Variants in NTRK2 observed in about 807,000 individuals in gnomAD.
NTRK2 encodes the protein neurotrophic receptor tyrosine kinase 2.
Under a neutral mutation model 94.5 loss-of-function variants are expected in NTRK2, and 13 were observed. The observed-to-expected ratio is 0.14, with a 90% CI of 0.09 to 0.22. The LOEUF (loss-of-function observed/expected upper bound fraction) is 0.22. Ranked by LOEUF, NTRK2 falls within the 10% of genes least tolerant of loss-of-function variation. NTRK2 has a pLI of 1.00. For synonymous variants in NTRK2, 372 were observed against 407.4 expected (o/e 0.91, Z 1.05); for missense variants, 639 against 1,071.2 (o/e 0.60, Z 5.63).
chr9:85,024,953 A>G lies in NTRK2; in HGVS notation c.*3516A>G. The G allele has an allele frequency of 4.3e-6, 1 of 233,122 alleles. No individual in the cohort carries two copies. Among genetic ancestry groups the G allele is most frequent in the East Asian group, 6.1e-5 (1 of 16,508 alleles). The allele number at this position is 233,122 out of a possible 1,614,324, so 14.4% of individuals were successfully genotyped here. A position where few individuals can be genotyped will look rare whatever the true frequency, so the allele number is the denominator to read the frequency against. Reference sequence around the variant, plus strand: ...GATTTATACATATACAAATGCACATACGTAGTGTGTTTGTGTGTTTATGTA... The same window carrying G: ...GATTTATACATATACAAATGCACATGCGTAGTGTGTTTGTGTGTTTATGTA... On this transcript the variant is annotated 3_prime_UTR_variant, in exon 19 of 19. Coordinates refer to ENST00000277120, the MANE Select transcript of NTRK2 (RefSeq NM_006180.6).
intron 12 of NTRK2, among the ~76,000 whole-genome samples, chr9:84,772,012 G>C (rs769234288): frequency 6.6e-6 from 1 of 152,120 alleles, no homozygotes; most frequent in Non-Finnish European, 1.5e-5. Flanking sequence ...TTTACTCCAA[G>C]CTTTCCTATG....
At chr9:84,892,534 C>T (rs2076624293) in intron 14 of NTRK2, among the ~76,000 whole-genome samples, 1 of 152,240 alleles carries the variant, frequency 6.6e-6, no homozygotes, top group African/African-American at 2.4e-5. Context: ...TAAGATTTCC[C>T]TGTCAGTGCA....
chr9:84,751,128 G>T (rs2064561687), intron 11 of NTRK2, among the ~76,000 whole-genome samples: 3 of 152,134 alleles, frequency 2.0e-5, no homozygotes, highest in African/African-American at 7.2e-5. Context: ...GTGCCCTCCT[G>T]CTCCCTTCCA....
At chr9:84,910,151 G>A (rs998784836) in intron 14 of NTRK2, among the ~76,000 whole-genome samples, 1 of 151,970 alleles carries the variant, frequency 6.6e-6, no homozygotes, top group Admixed American at 6.6e-5. Flanking sequence ...TTTGCCTATG[G>A]ATGTCCAATT....
intron 14 of NTRK2, among the ~76,000 whole-genome samples, chr9:84,882,720 G>GCA (rs58637788): frequency 8.1e-6 from 1 of 123,750 alleles, no homozygotes; most frequent in African/African-American, 3.6e-5. Flanking sequence ...GTGTGTGTGT[G>GCA]CGCGCGCGCG....
chr9:84,793,968 A>C (rs183868477), intron 12 of NTRK2, among the ~76,000 whole-genome samples: 1 of 152,356 alleles, frequency 6.6e-6, no homozygotes, highest in Admixed American at 6.5e-5. Flanking sequence ...GGCCCTTTGC[A>C]GAAAAAACTG....
intron 17 of NTRK2, among the ~76,000 whole-genome samples, chr9:84,969,017 A>G (rs753699941): frequency 6.6e-5 from 10 of 152,124 alleles, no homozygotes; most frequent in Non-Finnish European, 1.5e-4. Flanking sequence ...CGTTTTCTTC[A>G]TGTCTCCTGA....
intron 12 of NTRK2, among the ~76,000 whole-genome samples, chr9:84,844,930 G>A (rs928180594): frequency 8.6e-5 from 13 of 151,840 alleles, no homozygotes; most frequent in African/African-American, 3.2e-4. Context: ...CTCAAGAATG[G>A]CCATAATTTA....
chr9:84,769,391 A>AG, intron 12 of NTRK2, among the ~76,000 whole-genome samples: 1 of 152,318 alleles, frequency 6.6e-6, no homozygotes, highest in South Asian at 2.1e-4. Flanking sequence ...CTGAATGATC[A>AG]CCTGAAGTTA....
At chr9:84,821,393 A>G (rs1385015668) in intron 12 of NTRK2, among the ~76,000 whole-genome samples, 1 of 152,116 alleles carries the variant, frequency 6.6e-6, no homozygotes, top group Non-Finnish European at 1.5e-5. Flanking sequence ...ATTTGATCAA[A>G]TGGGAATGTA....
At chr9:84,944,215 TCACACACACACACACACA>T (rs56021326) in intron 15 of NTRK2, among the ~76,000 whole-genome samples, 1 of 120,316 alleles carries the variant, frequency 8.3e-6, no homozygotes, top group African/African-American at 3.4e-5. Context: ...TCTCTCTCTC[TCACACACACACACACACA>T]CACACACACA....
At chr9:84,765,692 T>C (rs570377836) in intron 12 of NTRK2, among the ~76,000 whole-genome samples, 16 of 152,288 alleles carry the variant, frequency 1.1e-4, no homozygotes, top group Admixed American at 1.0e-3. Flanking sequence ...TGACTAGTAT[T>C]GTCTTGCCCC....
At chr9:84,872,406 C>G in intron 14 of NTRK2, 1 of 1,081,134 alleles carries the variant, frequency 9.2e-7, no homozygotes, top group Non-Finnish European at 1.1e-6. Flanking sequence ...GGAGCAAACA[C>G]TATAGATGTC....
chr9:84,726,266 C>T (rs1047750727), intron 8 of NTRK2, among the ~76,000 whole-genome samples: 2 of 152,166 alleles, frequency 1.3e-5, no homozygotes, highest in African/African-American at 4.8e-5. Context: ...GCGGGTGGAT[C>T]ACTTGAGATC....
chr9:84,900,276 G>A (rs2076887517), intron 14 of NTRK2, among the ~76,000 whole-genome samples: 2 of 152,146 alleles, frequency 1.3e-5, no homozygotes, highest in Admixed American at 1.3e-4. Context: ...AGAGTGACTA[G>A]TTCAAGGTCT....
At chr9:84,834,559 A>G (rs2073759176) in intron 12 of NTRK2, among the ~76,000 whole-genome samples, 2 of 152,224 alleles carry the variant, frequency 1.3e-5, no homozygotes, top group South Asian at 4.2e-4. Flanking sequence ...AGGAACCCCT[A>G]GAAGCATTGT....
chr9:85,021,521 C>A lies in NTRK2; in HGVS notation c.*84C>A. The A allele has an allele frequency of 7.5e-7, 1 of 1,336,826 alleles. No homozygotes were observed. Among genetic ancestry groups the A allele is most frequent in the African/African-American group, 1.4e-5 (1 of 69,478 alleles). 82.8% of individuals were successfully genotyped at this position (1,336,826 alleles called of 1,614,324 possible). A position where few individuals can be genotyped will look rare whatever the true frequency, so the allele number is the denominator to read the frequency against. On this transcript the variant is annotated 3_prime_UTR_variant, in exon 19 of 19. Coordinates refer to ENST00000277120, the MANE Select transcript of NTRK2 (RefSeq NM_006180.6). ...AACATCTTTTAACTGCCGCTGGAGG[C>A]CACCAAGCTGCTCTCCTTCACTCTG...
intron 17 of NTRK2, among the ~76,000 whole-genome samples, chr9:84,996,250 G>A (rs1829735101): frequency 6.6e-6 from 1 of 152,218 alleles, no homozygotes; most frequent in Non-Finnish European, 1.5e-5. Context: ...TAAGCACTCT[G>A]AAATTTATTA....
intron 17 of NTRK2, among the ~76,000 whole-genome samples, chr9:84,966,825 A>C (rs113735432): frequency 0.017 from 2,633 of 152,314 alleles, 35 homozygotes; most frequent in African/African-American, 0.038. Flanking sequence ...TTCAAATGGT[A>C]ACTTTACAAA....
Sources: gnomAD v4.1 joint callset for allele counts (sites outside exome capture counted in the v4.1 genomes callset) on GRCh38, gnomAD v4.1.1 for gene constraint, MANE v1.5 for transcripts, NCBI Gene and HGNC (gene_info 2026-07-23, HGNC 2026-07-21) for gene names.